AGBL4: variants seen among roughly 807,000 people sequenced by gnomAD.
The protein encoded by AGBL4 is AGBL carboxypeptidase 4.
AGBL4 carries 58 observed loss-of-function variants against 66.4 expected under a neutral mutation model. That is an observed-to-expected ratio of 0.87 (90% confidence interval 0.71 to 1.09). AGBL4 has a LOEUF of 1.09. AGBL4 is among the 50% of genes least tolerant of loss of function. The pLI is 0.00. For missense variants in AGBL4, 579 were observed against 631.0 expected (o/e 0.92, Z 0.88); for synonymous variants, 234 against 222.9 (o/e 1.05, Z -0.44).
intron 6 of AGBL4, among the ~76,000 whole-genome samples, chr1:48,690,471 A>T (rs1646611333): frequency 6.6e-6 from 1 of 152,202 alleles, no homozygotes; most frequent in Non-Finnish European, 1.5e-5. Context: ...CAGAGAAAGA[A>T]GGACCACTGG....
At chr1:48,541,279 A>G (rs963930074) in intron 11 of AGBL4, among the ~76,000 whole-genome samples, 3 of 152,162 alleles carry the variant, frequency 2.0e-5, no homozygotes, top group Non-Finnish European at 2.9e-5. Flanking sequence ...GGTCTCTCCT[A>G]GGTTTTCCCA....
chr1:48,952,275 C>A (rs1164932777), intron 5 of AGBL4, among the ~76,000 whole-genome samples: 1 of 152,142 alleles, frequency 6.6e-6, no homozygotes, highest in Non-Finnish European at 1.5e-5. Flanking sequence ...CTATGCTAGG[C>A]ATTTAGGAGA....
At chr1:48,826,346 C>A (rs1019138869) in intron 6 of AGBL4, among the ~76,000 whole-genome samples, 3 of 152,150 alleles carry the variant, frequency 2.0e-5, no homozygotes, top group African/African-American at 7.2e-5. Flanking sequence ...AATTGGCTGG[C>A]ACTGTTAAAG....
chr1:49,121,383 TGAG>T (rs1645650460), intron 4 of AGBL4, among the ~76,000 whole-genome samples: 1 of 152,168 alleles, frequency 6.6e-6, no homozygotes, highest in Non-Finnish European at 1.5e-5. Flanking sequence ...GACCTACAGA[TGAG>T]GTTTTGTTGT....
At position 49,229,451 on chromosome 1, in the gene AGBL4, G is replaced by T. The variant is rs925043; in HGVS notation, c.377+16319C>A. 1.1e-3 allele frequency among the ~76,000 whole-genome samples: 164 copies of T among 152,210 alleles called. 1 individual carries two copies. Among genetic ancestry groups the T allele is most frequent in the African/African-American group, 3.8e-3 (158 of 41,498 alleles). On this transcript the variant is annotated intron_variant, in intron 4 of 13. Coordinates refer to ENST00000371839, the MANE Select transcript of AGBL4 (RefSeq NM_032785.4). ...CATAGTCTAGAAAAACTACCTGCAC[G>T]TGGTCCTGTTTAAAGAAACAACTGG...
rs185170385 is a variant in AGBL4 at position 49,550,590 on chromosome 1, G to C, written c.282+146723C>G. ...AGTTTTGCTGGATACAAAATTCTTG[G>C]CTAATAATTGTTTTATTTGAGGAGG... is the stretch of plus-strand genomic sequence containing the variant. On this transcript the variant is annotated intron_variant, in intron 3 of 13. Coordinates refer to ENST00000371839, the MANE Select transcript of AGBL4 (RefSeq NM_032785.4). 1.8e-3 allele frequency among the ~76,000 whole-genome samples: 273 copies of C among 152,184 alleles called. 1 individual carries two copies. The highest frequency in any genetic ancestry group is 2.9e-3 in the Non-Finnish European group (200 of 67,992).
chr1:48,835,452 C>A (rs1646651247), intron 6 of AGBL4, among the ~76,000 whole-genome samples: 1 of 152,052 alleles, frequency 6.6e-6, no homozygotes, highest in Non-Finnish European at 1.5e-5. Flanking sequence ...GAGATGAGTG[C>A]TATGAAAGAA....
chr1:49,613,615 A>G (rs1194916818), intron 3 of AGBL4, among the ~76,000 whole-genome samples: 1 of 152,158 alleles, frequency 6.6e-6, no homozygotes, highest in African/African-American at 2.4e-5. Flanking sequence ...CTAGGTTATG[A>G]GAATCTAATG....
intron 1 of AGBL4, among the ~76,000 whole-genome samples, chr1:49,873,037 T>C (rs906400047): frequency 9.9e-5 from 15 of 151,988 alleles, no homozygotes; most frequent in Non-Finnish European, 2.2e-4. Flanking sequence ...GCCCTGTGAA[T>C]TGAAGCTAGA....
intron 3 of AGBL4, among the ~76,000 whole-genome samples, chr1:49,630,840 G>A (rs544023186): frequency 2.2e-4 from 34 of 152,304 alleles, no homozygotes; most frequent in African/African-American, 8.2e-4. Flanking sequence ...TAGTCAAAGA[G>A]TTGGACTCAG....
intron 6 of AGBL4, among the ~76,000 whole-genome samples, chr1:48,770,530 A>G (rs1030441073): frequency 6.6e-6 from 1 of 151,510 alleles, no homozygotes; most frequent in South Asian, 2.1e-4. Flanking sequence ...CTCACTCTGC[A>G]CTCTCTCCCA....
At chr1:48,591,078 A>C (rs1397521363) in intron 9 of AGBL4, 93 bp from the exon 10 acceptor site, 28 of 921,252 alleles carry the variant, frequency 3.0e-5, no homozygotes, top group African/African-American at 8.2e-5. Context: ...CACCCCCCAC[A>C]CACACCCACC....
At chr1:49,415,587 G>A (rs559979096) in intron 3 of AGBL4, among the ~76,000 whole-genome samples, 13 of 152,018 alleles carry the variant, frequency 8.6e-5, no homozygotes, top group Non-Finnish European at 1.5e-4. Flanking sequence ...AAACTAGAAA[G>A]GTAGGTTCTA....
In AGBL4 at chr1:49,768,328, T is replaced by A. The variant is rs556428689; in HGVS notation, c.158-70891A>T. Among the ~76,000 whole-genome samples, 12 of 152,326 alleles carry A rather than the reference T, an allele frequency of 7.9e-5. No individual in the cohort carries two copies. The South Asian group carries it at 2.5e-3, about 32-fold the overall frequency. Reference sequence around the variant, plus strand: ...TGCACATCAAAATGTTAATTGACCATGTTCAAGTAGGCTTTATTCCTGGGA... The same window carrying A: ...TGCACATCAAAATGTTAATTGACCAAGTTCAAGTAGGCTTTATTCCTGGGA... On this transcript the variant is annotated intron_variant, in intron 2 of 13. Coordinates refer to ENST00000371839, the MANE Select transcript of AGBL4 (RefSeq NM_032785.4).
At chr1:49,356,673 T>C (rs1295995434) in intron 3 of AGBL4, among the ~76,000 whole-genome samples, 1 of 152,196 alleles carries the variant, frequency 6.6e-6, no homozygotes, top group Non-Finnish European at 1.5e-5. Context: ...ACATCAGGAT[T>C]GATGGGCCCC....
chr1:49,643,412 A>T (rs1346186913), intron 3 of AGBL4, among the ~76,000 whole-genome samples: 2 of 151,726 alleles, frequency 1.3e-5, no homozygotes, highest in African/African-American at 4.8e-5. Flanking sequence ...GAGATAGAAG[A>T]AACATTTTAA....
chr1:49,852,887 A>G (rs1018808915), intron 1 of AGBL4, among the ~76,000 whole-genome samples: 1 of 152,116 alleles, frequency 6.6e-6, no homozygotes, highest in Non-Finnish European at 1.5e-5. Context: ...TAGCACTAGA[A>G]TAATTTGAAG....
At chr1:49,517,279 A>G (rs1352195388) in intron 3 of AGBL4, among the ~76,000 whole-genome samples, 1 of 151,752 alleles carries the variant, frequency 6.6e-6, no homozygotes, top group Non-Finnish European at 1.5e-5. Context: ...CCAAGAGGGG[A>G]AATTTATATG....
intron 1 of AGBL4, among the ~76,000 whole-genome samples, chr1:49,931,271 T>C (rs939615626): frequency 6.6e-6 from 1 of 152,220 alleles, no homozygotes; most frequent in East Asian, 1.9e-4. Flanking sequence ...AATGAAGATA[T>C]ACTATATTCA....
Sources: allele counts gnomAD v4.1 joint callset (sites outside exome capture counted in the v4.1 genomes callset), GRCh38; gene constraint gnomAD v4.1.1; transcripts MANE v1.5; gene names NCBI Gene and HGNC (gene_info 2026-07-23, HGNC 2026-07-21).